WASF2: variants seen among roughly 807,000 people sequenced by gnomAD.
WASF2 encodes WASP family member 2, also known as actin-binding protein WASF2.
Under a neutral mutation model 45.0 loss-of-function variants are expected in WASF2, and 14 were observed. That is an observed-to-expected ratio of 0.31 (90% CI 0.21 to 0.49). WASF2 has a LOEUF of 0.49. Ranked by LOEUF, WASF2 falls within the 20% of genes least tolerant of loss-of-function variation. The pLI is 0.99. For synonymous variants in WASF2, 200 were observed against 236.3 expected, an observed-to-expected ratio of 0.85 and a Z score of 1.41; for missense variants, 439 against 636.1, an observed-to-expected ratio of 0.69 and a Z score of 3.33.
At chr1:27,487,148 T>G (rs2148148557) in intron 1 of WASF2, among the ~76,000 whole-genome samples, 1 of 147,166 alleles carries the variant, frequency 6.8e-6, no homozygotes, top group South Asian at 2.1e-4. Flanking sequence ...TCGCCCATGC[T>G]GGAGTGCAGT....
chr1:27,422,632 A>AG (rs1308062273), intron 2 of WASF2, among the ~76,000 whole-genome samples: 8 of 151,100 alleles, frequency 5.3e-5, no homozygotes, highest in Admixed American at 5.3e-4. Context: ...AAAAAAAAAA[A>AG]AAAAGAAAAT....
intron 1 of WASF2, among the ~76,000 whole-genome samples, chr1:27,487,193 C>T (rs1385082814): frequency 6.9e-6 from 1 of 145,910 alleles, no homozygotes; most frequent in Non-Finnish European, 1.5e-5. Flanking sequence ...CTCCGCCTCC[C>T]GGGTTCACAC....
intron 1 of WASF2, among the ~76,000 whole-genome samples, chr1:27,469,821 A>C (rs2017665874): frequency 6.6e-6 from 1 of 152,166 alleles, no homozygotes; most frequent in Non-Finnish European, 1.5e-5. Context: ...GTGCACCTGT[A>C]GTCCCAGCTA....
intron 1 of WASF2, among the ~76,000 whole-genome samples, chr1:27,454,197 T>A (rs1222898956): frequency 7.3e-6 from 1 of 136,146 alleles, no homozygotes. Flanking sequence ...ATTTTTTTTT[T>A]TTTTTTTTTT....
chr1:27,477,919 T>TA (rs559633033), intron 1 of WASF2, among the ~76,000 whole-genome samples: 1,739 of 125,674 alleles, frequency 0.014, 312 homozygotes, highest in African/African-American at 0.052. Flanking sequence ...AATAAATAAA[T>TA]AAAAAAAAAA....
intron 4 of WASF2, 123 bp from the exon 5 acceptor site, chr1:27,416,225 G>A (rs542031830): frequency 1.7e-5 from 13 of 783,780 alleles, no homozygotes; most frequent in Middle Eastern, 2.3e-4. Context: ...CATTTGAATC[G>A]ATTGCATACC....
Position 27,477,907 on chromosome 1 carries a change from A to AAAT in WASF2, c.-44+12078_-44+12079insATT, listed in dbSNP as rs1553152212. Among the ~76,000 whole-genome samples the AAAT allele has an allele frequency of 6.8e-5, 10 of 146,372 alleles. 1 individual carries two copies. The highest frequency in any genetic ancestry group is 2.0e-4 in the Admixed American group (3 of 14,978). ...GAGCGAGACTCCGTCTCAAAAAAAA[A>AAAT]AAATAAATAAATAAAAAAAAAAATA... is the stretch of plus-strand genomic sequence containing the variant. On this transcript the variant is annotated intron_variant, in intron 1 of 8. Transcript: ENST00000618852.
chr1:27,423,491 TAA>T (rs2016936412), intron 2 of WASF2, among the ~76,000 whole-genome samples: 1 of 152,250 alleles, frequency 6.6e-6, no homozygotes, highest in Admixed American at 6.5e-5. Flanking sequence ...CTAAATACCC[TAA>T]GTTTTAAGCT....
chr1:27,413,579 A>G (rs1297438858), intron 6 of WASF2, among the ~76,000 whole-genome samples: 3 of 152,192 alleles, frequency 2.0e-5, no homozygotes, highest in African/African-American at 4.8e-5. Context: ...GGAGCCCTGG[A>G]GCCTTGGCAC....
Position 27,437,408 on chromosome 1 carries a change from T to G in WASF2, c.-43-8475A>C, listed in dbSNP as rs1243022826. ...TTTCAATTCATCCCTCTAGTCCAGC[T>G]GTAAACTACACTAAAAAATGCTTGA... is the stretch of plus-strand genomic sequence containing the variant. On this transcript the variant is annotated intron_variant, in intron 1 of 8. Transcript: ENST00000618852. Among the ~76,000 whole-genome samples the G allele has an allele frequency of 2.6e-5, 4 of 152,320 alleles. No homozygotes were observed. In the East Asian group the frequency reaches 5.8e-4, roughly 22 times the overall value.
intron 1 of WASF2, among the ~76,000 whole-genome samples, chr1:27,476,285 C>A (rs1262725467): frequency 6.6e-6 from 1 of 152,188 alleles, no homozygotes; most frequent in Non-Finnish European, 1.5e-5. Context: ...TCACTGCTCA[C>A]AGTTCTGCAG....
At chr1:27,442,497 T>C (rs897660200) in intron 1 of WASF2, among the ~76,000 whole-genome samples, 5 of 151,922 alleles carry the variant, frequency 3.3e-5, no homozygotes, top group African/African-American at 9.7e-5. Flanking sequence ...TGAACCAGAC[T>C]GTGCCACTGC....
chr1:27,463,595 C>G (rs1404072096), intron 1 of WASF2, among the ~76,000 whole-genome samples: 4 of 145,134 alleles, frequency 2.8e-5, no homozygotes, highest in Non-Finnish European at 4.5e-5. Flanking sequence ...TGCACTCTAG[C>G]CTGGGCGACA....
intron 1 of WASF2, among the ~76,000 whole-genome samples, chr1:27,464,378 G>A (rs9438518): frequency 2.7e-5 from 4 of 150,778 alleles, no homozygotes; most frequent in East Asian, 3.9e-4. Flanking sequence ...AGAGGAAAAC[G>A]GTCTCAAAAA....
rs138341921 is a variant in WASF2, at chr1:27,450,445, T to C, written c.-43-21512A>G. Among the ~76,000 whole-genome samples, 589 of 152,304 alleles carry C rather than the reference T, an allele frequency of 3.9e-3. 4 individuals carry two copies. Among genetic ancestry groups the C allele is most frequent in the African/African-American group, 0.013 (555 of 41,568 alleles). On this transcript the variant is annotated intron_variant, in intron 1 of 8. Transcript: ENST00000618852. ...CTTGTCTTCCTCTCCTCAATACTTT[T>C]GTCCCACCCATCTACCCACCAAGCT...
chr1:27,482,893 C>A (rs1314340734), intron 1 of WASF2, among the ~76,000 whole-genome samples: 3 of 152,144 alleles, frequency 2.0e-5, no homozygotes, highest in African/African-American at 4.8e-5. Context: ...TCTATCCCCC[C>A]AGGATAAAAG....
chr1:27,443,123 CACT>C (rs1450874234), intron 1 of WASF2, among the ~76,000 whole-genome samples: 99 of 151,138 alleles, frequency 6.6e-4, no homozygotes, highest in African/African-American at 2.2e-3. Context: ...GTGATTGTGC[CACT>C]GCACTCCAGC....
At chr1:27,440,373 T>C (rs980728509) in intron 1 of WASF2, among the ~76,000 whole-genome samples, 6 of 152,088 alleles carry the variant, frequency 3.9e-5, no homozygotes, top group African/African-American at 1.4e-4. Flanking sequence ...AATACAAAAA[T>C]TAGCTGAATG....
chr1:27,484,048 T>A (rs888450716), intron 1 of WASF2, among the ~76,000 whole-genome samples: 1 of 152,060 alleles, frequency 6.6e-6, no homozygotes, highest in Non-Finnish European at 1.5e-5. Flanking sequence ...ATCCTTTGTA[T>A]CTCCAAAACA....
Sources: gnomAD v4.1 joint callset for allele counts (sites outside exome capture counted in the v4.1 genomes callset) on GRCh38, gnomAD v4.1.1 for gene constraint, MANE v1.5 for transcripts, NCBI Gene and HGNC (gene_info 2026-07-23, HGNC 2026-07-21) for gene names.